TTC34: variants seen among roughly 807,000 people sequenced by gnomAD.
TTC34 encodes tetratricopeptide repeat domain 34.
TTC34 carries 44 observed loss-of-function variants against 40.7 expected under a neutral mutation model. The observed-to-expected ratio is 1.08, with a 90% CI of 0.85 to 1.39. The LOEUF (loss-of-function observed/expected upper bound fraction) is 1.39, where lower values mean the gene tolerates loss of function less well. Ranked by LOEUF, TTC34 falls within the 40% of genes most tolerant of loss-of-function variation. The probability of loss-of-function intolerance (pLI) is 0.00; values close to 1 mark genes in which losing one functional copy is unlikely to be tolerated. For synonymous variants in TTC34, 422 were observed against 398.6 expected (o/e 1.06, Z -0.70); for missense variants, 884 against 838.0 (o/e 1.05, Z -0.68).
intron 6 of TTC34, among the ~76,000 whole-genome samples, chr1:2,750,667 C>A (rs1569690445): frequency 6.8e-4 from 100 of 148,102 alleles, no homozygotes; most frequent in African/African-American, 1.0e-3. Flanking sequence ...CATCTGACAG[C>A]CTGGAACAGC....
rs189984513 is a variant in TTC34 at position 2,645,873 on chromosome 1, G to A, written c.2227-310C>T. On this transcript the variant is annotated intron_variant, in intron 6 of 8. Transcript: ENST00000401095. This position sits in a 1 kb window ranked among gnomAD's most constrained non-coding sequence, Gnocchi z 4.7. ...ATTTCCATCTCCTGAGGCTGCCTGC[G>A]GTCTGTGAGCCCTCCCTGGGTCCCT... Among the ~76,000 whole-genome samples, 586 of 152,184 alleles carry A rather than the reference G, an allele frequency of 3.9e-3. 4 individuals carry two copies. Among genetic ancestry groups the A allele is most frequent in the Non-Finnish European group, 5.4e-3 (370 of 67,996 alleles).
intron 6 of TTC34, among the ~76,000 whole-genome samples, chr1:2,699,414 C>T (rs1400508424): frequency 2.8e-5 from 3 of 106,994 alleles, no homozygotes; most frequent in South Asian, 3.0e-4. Context: ...ACCCCACACC[C>T]CAAGGTGAGT....
rs1274189671 is a variant in TTC34 at position 2,691,054 on chromosome 1, C to A, written c.2227-45491G>T. Among the ~76,000 whole-genome samples the A allele has an allele frequency of 5.9e-5, 5 of 84,082 alleles. 2 individuals are homozygous for A. The highest frequency in any genetic ancestry group is 1.9e-4 in the African/African-American group (5 of 26,140). The allele number at this position is 84,082 out of a possible 152,430, so 55.2% of individuals were successfully genotyped here. A position where few individuals can be genotyped will look rare whatever the true frequency, so the allele number is the denominator to read the frequency against. On this transcript the variant is annotated intron_variant, in intron 6 of 8. Coordinates refer to ENST00000401095, the Ensembl canonical transcript of TTC34. ...GAGCATCTGACAGCCTCGGTCAGCACCCACAAACCCAGGTGAGCATCTGAT... is the reference window on the plus strand; with the variant it reads ...GAGCATCTGACAGCCTCGGTCAGCAACCACAAACCCAGGTGAGCATCTGAT...
At chr1:2,786,701 A>C (rs1182241845) in intron 4 of TTC34, among the ~76,000 whole-genome samples, 1 of 152,174 alleles carries the variant, frequency 6.6e-6, no homozygotes, top group South Asian at 2.1e-4. Context: ...CGCGGAGCAA[A>C]AGCCCAGCAC....
chr1:2,789,475 G>A, intron 3 of TTC34, 28 bp downstream of exon 3: 2 of 1,500,928 alleles, frequency 1.3e-6, no homozygotes, highest in South Asian at 1.2e-5. Context: ...GGAAGCAGCG[G>A]CCCCAGCGTG....
At chr1:2,643,610 C>T (rs2100986897) in intron 8 of TTC34, among the ~76,000 whole-genome samples, 2 of 152,318 alleles carry the variant, frequency 1.3e-5, no homozygotes, top group East Asian at 3.9e-4. Flanking sequence ...CGGCCGCCTC[C>T]TCTAGGTCCC....
At chr1:2,790,319 G>A (rs1441313055) in exon 3 of TTC34, 3 of 398,350 alleles carry the variant, frequency 7.5e-6, no homozygotes, top group Admixed American at 4.4e-5. Flanking sequence ...GGCCGCGCGG[G>A]TGACCAGCAG....
chr1:2,685,165 G>A (rs1172937856), intron 6 of TTC34, among the ~76,000 whole-genome samples: 1 of 142,852 alleles, frequency 7.0e-6, no homozygotes, highest in Non-Finnish European at 1.5e-5. Flanking sequence ...ACAACCCCAC[G>A]TGAGCATCTG....
chr1:2,753,186 C>A (rs1314329427), intron 6 of TTC34, among the ~76,000 whole-genome samples: 5 of 101,362 alleles, frequency 4.9e-5, no homozygotes, highest in African/African-American at 1.4e-4. Context: ...CCCAGGTGAG[C>A]ATCTGACATC....
At chr1:2,795,312 C>A (rs1347293017) in intron 2 of TTC34, among the ~76,000 whole-genome samples, 1 of 152,238 alleles carries the variant, frequency 6.6e-6, no homozygotes, top group African/African-American at 2.4e-5. Context: ...CTGGCCTAAG[C>A]TGGACAGTTC....
chr1:2,648,107 T>G (rs976023763), intron 6 of TTC34, among the ~76,000 whole-genome samples: 9 of 152,160 alleles, frequency 5.9e-5, no homozygotes, highest in Non-Finnish European at 8.8e-5. Flanking sequence ...TAAAAGCCCC[T>G]GTGTGTAAAT....
intron 6 of TTC34, among the ~76,000 whole-genome samples, chr1:2,677,729 C>T (rs920549910): frequency 3.2e-5 from 4 of 123,552 alleles, no homozygotes; most frequent in East Asian, 5.2e-4. Context: ...CAGCACCCTG[C>T]ACCCCCAGGT....
chr1:2,687,633 A>G (rs1156567273), intron 6 of TTC34, among the ~76,000 whole-genome samples: 1 of 151,856 alleles, frequency 6.6e-6, no homozygotes, highest in Non-Finnish European at 1.5e-5. Flanking sequence ...GATATCCTGG[A>G]ACAGCACCCA....
intron 8 of TTC34, among the ~76,000 whole-genome samples, chr1:2,642,998 A>AC (rs904459945): frequency 4.6e-5 from 7 of 151,894 alleles, no homozygotes; most frequent in Admixed American, 1.3e-4. Context: ...GAGGCACCTG[A>AC]CCCCGACCCG....
At chr1:2,692,542 C>G (rs1339455520) in intron 6 of TTC34, among the ~76,000 whole-genome samples, 457 of 105,488 alleles carry the variant, frequency 4.3e-3, no homozygotes, top group South Asian at 8.3e-3. Context: ...TCAGCACCCA[C>G]ACCCCCAGGC....
chr1:2,646,172 TG>T (rs1261320314), intron 6 of TTC34, among the ~76,000 whole-genome samples: 1 of 152,154 alleles, frequency 6.6e-6, no homozygotes, highest in Non-Finnish European at 1.5e-5. Context: ...GCAATTGCCT[TG>T]TGGATTACAA....
chr1:2,698,535 TGAGCATCGGGCAG>T (rs1640973430), intron 6 of TTC34, among the ~76,000 whole-genome samples: 3 of 117,440 alleles, frequency 2.6e-5, no homozygotes, highest in East Asian at 2.4e-4. Context: ...CACCCCCAGG[TGAGCATCGGGCAG>T]CCTGGAGCAG....
chr1:2,698,444 C>T (rs1335952889), intron 6 of TTC34, among the ~76,000 whole-genome samples: 1 of 81,674 alleles, frequency 1.2e-5, no homozygotes, highest in Non-Finnish European at 2.5e-5. Context: ...GCAGCACCCA[C>T]ACCCCCAGGT....
chr1:2,786,659 GGTCAACAGGCGCCAGGGA>G (rs1195117861), intron 4 of TTC34, among the ~76,000 whole-genome samples: 1 of 152,166 alleles, frequency 6.6e-6, no homozygotes, highest in Non-Finnish European at 1.5e-5. Flanking sequence ...GGTCATGAAG[GGTCAACAGGCGCCAGGGA>G]GTCCTTCAGA....
Sources: gnomAD v4.1 joint callset for allele counts (sites outside exome capture counted in the v4.1 genomes callset) on GRCh38, gnomAD v4.1.1 for gene constraint, Gnocchi (gnomAD v3.1) non-coding constraint, MANE v1.5 for transcripts, NCBI Gene and HGNC (gene_info 2026-07-23, HGNC 2026-07-21) for gene names.